AOAH: variants seen among roughly 807,000 people sequenced by gnomAD.
AOAH encodes acyloxyacyl hydrolase.
In AOAH, 64 loss-of-function variants were observed where a neutral mutation model predicts 92.2. The observed-to-expected ratio is 0.69, with a 90% CI of 0.57 to 0.86. AOAH has a LOEUF of 0.86. Ranked by LOEUF, AOAH falls within the 40% of genes least tolerant of loss-of-function variation. The pLI, the probability that AOAH is intolerant of heterozygous loss-of-function variation, is 0.00. For synonymous variants in AOAH, 263 were observed against 254.5 expected (o/e 1.03, Z -0.32); for missense variants, 656 against 694.6 (o/e 0.94, Z 0.62).
At chr7:36,681,865 GT>G (rs778325659) in intron 2 of AOAH, among the ~76,000 whole-genome samples, 135 of 152,266 alleles carry the variant, frequency 8.9e-4, no homozygotes, top group Non-Finnish European at 1.2e-3. Context: ...TCAGAAAGCA[GT>G]TACCACAAAG....
intron 1 of AOAH, among the ~76,000 whole-genome samples, chr7:36,707,400 A>T (rs1253847203): frequency 1.3e-5 from 2 of 152,144 alleles, no homozygotes; most frequent in Admixed American, 6.6e-5. Context: ...CTGAACACAG[A>T]GCCACACTAC....
Position 36,702,424 on chromosome 7 carries a change from T to G in AOAH, c.128-15630A>C, listed in dbSNP as rs572262365. ...TTCACTTTCATTTCTGAATAATGTTTTAACTGATTCAGAACTCTTGGTTGA... is the reference window on the plus strand; with the variant it reads ...TTCACTTTCATTTCTGAATAATGTTGTAACTGATTCAGAACTCTTGGTTGA... On this transcript the variant is annotated intron_variant, in intron 1 of 20. Transcript: ENST00000617537. Among the ~76,000 whole-genome samples, 4 of 152,274 alleles carry G rather than the reference T, an allele frequency of 2.6e-5. No homozygotes were observed. The South Asian group carries it at 8.3e-4, about 32-fold the overall frequency.
chr7:36,671,629 AT>A (rs1298091277), intron 3 of AOAH, among the ~76,000 whole-genome samples: 34 of 146,436 alleles, frequency 2.3e-4, no homozygotes, highest in African/African-American at 8.6e-4. Flanking sequence ...GCGTGTGTGC[AT>A]CTGTGTGTGT....
At chr7:36,642,203 G>A (rs949826323) in intron 4 of AOAH, among the ~76,000 whole-genome samples, 2 of 151,792 alleles carry the variant, frequency 1.3e-5, no homozygotes, top group African/African-American at 2.4e-5. Context: ...AGCAAAAACC[G>A]CAATTACTTT....
chr7:36,576,804 G>A, intron 12 of AOAH, 148 bp from the exon 13 acceptor site: 1 of 491,336 alleles, frequency 2.0e-6, no homozygotes, highest in South Asian at 3.3e-5. Context: ...TCTCTGAACT[G>A]TGAATGTAAT....
chr7:36,579,513 A>AAT (rs148671536), intron 12 of AOAH, among the ~76,000 whole-genome samples: 28 of 150,992 alleles, frequency 1.9e-4, no homozygotes, highest in East Asian at 7.8e-4. Context: ...TAATGGAATG[A>AAT]ATATATATAT....
At chr7:36,681,063 G>A (rs938397767) in intron 2 of AOAH, among the ~76,000 whole-genome samples, 13 of 152,274 alleles carry the variant, frequency 8.5e-5, no homozygotes, top group African/African-American at 3.1e-4. Flanking sequence ...TTCACCTTCG[G>A]ACGACGCAAC....
At chr7:36,633,730 C>T (rs993974282) in intron 5 of AOAH, among the ~76,000 whole-genome samples, 14 of 152,188 alleles carry the variant, frequency 9.2e-5, no homozygotes, top group Admixed American at 2.0e-4. Flanking sequence ...ATCACATTTG[C>T]GTTTCGGAAA....
intron 6 of AOAH, among the ~76,000 whole-genome samples, chr7:36,631,334 C>T (rs1441638496): frequency 2.7e-5 from 4 of 146,016 alleles, no homozygotes; most frequent in Admixed American, 2.1e-4. Flanking sequence ...GCAACAAGAG[C>T]GACACTCCAT....
At chr7:36,723,737 C>T (rs1260417982) in intron 1 of AOAH, among the ~76,000 whole-genome samples, 1 of 152,114 alleles carries the variant, frequency 6.6e-6, no homozygotes, top group Non-Finnish European at 1.5e-5. Flanking sequence ...CTAAAATAGC[C>T]TGAAATAATA....
intron 20 of AOAH, among the ~76,000 whole-genome samples, chr7:36,519,462 C>T (rs1783997720): frequency 6.6e-6 from 1 of 152,204 alleles, no homozygotes; most frequent in Admixed American, 6.5e-5. Context: ...TGGAGTTTCG[C>T]TCTTGTTGCC....
At chr7:36,514,414 G>T in intron 20 of AOAH, 1 of 1,319,870 alleles carries the variant, frequency 7.6e-7, no homozygotes, top group Non-Finnish European at 1.0e-6. Flanking sequence ...TGCCAGAGAG[G>T]AATCCTTAGC....
At chr7:36,711,405 C>CTGT (rs1289136955) in intron 1 of AOAH, among the ~76,000 whole-genome samples, 2 of 152,066 alleles carry the variant, frequency 1.3e-5, no homozygotes, top group Admixed American at 6.6e-5. Flanking sequence ...GCACAGCATG[C>CTGT]TGTCATCATG....
intron 13 of AOAH, among the ~76,000 whole-genome samples, chr7:36,562,280 C>T (rs1203093171): frequency 2.0e-5 from 3 of 152,030 alleles, no homozygotes; most frequent in African/African-American, 4.8e-5. Flanking sequence ...TTCTCCCCAG[C>T]TGCTTGCTGT....
rs1202098607 is a variant in AOAH at position 36,516,587 on chromosome 7, G to A, written c.1600-3207C>T. 6.6e-6 allele frequency among the ~76,000 whole-genome samples: 1 copy of A among 152,212 alleles called. No individual in the cohort carries two copies. The highest frequency in any genetic ancestry group is 1.5e-5 in the Non-Finnish European group (1 of 68,044). On this transcript the variant is annotated intron_variant, in intron 20 of 20. Coordinates refer to ENST00000617537, the MANE Select transcript of AOAH (RefSeq NM_001637.4). The surrounding 1 kb of genome is among the most constrained non-coding windows in gnomAD (Gnocchi z 5.0). The stretch of plus-strand genomic sequence containing the variant: ...GCGAAGCTGGCCAGTGCTCCAGGGA[G>A]GGCCGGATCATCTCTCACACAAAGT...
chr7:36,537,963 C>G (rs1008466292), intron 16 of AOAH, among the ~76,000 whole-genome samples: 1 of 151,244 alleles, frequency 6.6e-6, no homozygotes, highest in African/African-American at 2.4e-5. Flanking sequence ...TCCCTCAGTC[C>G]TTTCCAAATT....
chr7:36,660,554 T>C lies in AOAH; in HGVS notation c.291-1289A>G, dbSNP rs548018717. ...CTGGTCTCGAACTCTTGACCTCAGA[T>C]GATACACCCACCTCGGCCTCCCAAA... is the stretch of plus-strand genomic sequence containing the variant. On this transcript the variant is annotated intron_variant, in intron 3 of 20. Coordinates refer to ENST00000617537, the MANE Select transcript of AOAH (RefSeq NM_001637.4). Among the ~76,000 whole-genome samples, 57 of 152,308 alleles carry C rather than the reference T, an allele frequency of 3.7e-4. No individual in the cohort carries two copies. The Middle Eastern group carries it at 0.01, about 27-fold the overall frequency.
At chr7:36,527,534 G>A (rs930795022) in intron 19 of AOAH, among the ~76,000 whole-genome samples, 1 of 152,130 alleles carries the variant, frequency 6.6e-6, no homozygotes, top group African/African-American at 2.4e-5. Flanking sequence ...TGGAGCTGGG[G>A]GGTGGGTTGG....
chr7:36,634,590 T>TTAAC lies in AOAH; in HGVS notation c.451-2488_451-2485dup, dbSNP rs555147990. On this transcript the variant is annotated intron_variant, in intron 5 of 20. Coordinates refer to ENST00000617537, the MANE Select transcript of AOAH (RefSeq NM_001637.4). ...CTGGCCGAATAAATCCCTTCCTTCT[T>TTAAC]TAACTCGGTGTCTGAGGAGTTTTGT... Among the ~76,000 whole-genome samples, 1,480 of 152,298 alleles carry TTAAC rather than the reference T, an allele frequency of 9.7e-3. 24 individuals are homozygous for TTAAC. The highest frequency in any genetic ancestry group is 0.034 in the African/African-American group (1,428 of 41,548).
Sources: gnomAD v4.1 joint callset for allele counts (sites outside exome capture counted in the v4.1 genomes callset) on GRCh38, gnomAD v4.1.1 for gene constraint, Gnocchi (gnomAD v3.1) non-coding constraint, MANE v1.5 for transcripts, NCBI Gene and HGNC (gene_info 2026-07-23, HGNC 2026-07-21) for gene names.